Variants in RPE65 observed in about 807,000 individuals in gnomAD.
RPE65 encodes the protein retinoid isomerohydrolase RPE65, also known as retinoid isomerohydrolase.
A neutral mutation model predicts 68.5 loss-of-function variants in RPE65; 58 were observed. The observed-to-expected ratio is 0.85, with a 90% CI of 0.69 to 1.05. RPE65 has a LOEUF of 1.05. Among genes scored for constraint, RPE65 ranks in the 50% least tolerant of loss-of-function variants. RPE65 has a pLI of 0.00. For synonymous variants in RPE65, 220 were observed against 222.2 expected (o/e 0.99, Z 0.09); for missense variants, 643 against 629.9 (o/e 1.02, Z -0.22).
chr1:68,448,105 G>A (rs977650993), intron 2 of RPE65, among the ~76,000 whole-genome samples: 8 of 152,126 alleles, frequency 5.3e-5, no homozygotes, highest in Non-Finnish European at 1.2e-4. Flanking sequence ...TCCTCATGAC[G>A]TAAATTTTGG....
At chr1:68,438,153 G>T in intron 10 of RPE65, 34 bp downstream of exon 10, 1 of 1,612,010 alleles carries the variant, frequency 6.2e-7, no homozygotes, top group Non-Finnish European at 8.5e-7. Flanking sequence ...GAAACATTCT[G>T]GTTAAATCTG....
intron 10 of RPE65, among the ~76,000 whole-genome samples, chr1:68,436,309 T>C (rs17130688): frequency 0.16 from 24,532 of 152,038 alleles, 2,342 homozygotes; most frequent in East Asian, 0.39. Flanking sequence ...CTCTCCATGA[T>C]CTTTCTTTGG....
intron 5 of RPE65, among the ~76,000 whole-genome samples, chr1:68,441,981 G>A (rs1376536470): frequency 6.6e-6 from 1 of 152,144 alleles, no homozygotes; most frequent in Admixed American, 6.5e-5. Context: ...CTTCATTCTA[G>A]ACCCGTGCTG....
chr1:68,444,514 C>T lies in RPE65; in HGVS notation c.495+17G>A, dbSNP rs1384218297. ...CAAATTCTAAATTCCTGAACATCAC[C>T]TAGCACTGTGTCCCACCTGCTTAAT... On this transcript the variant is annotated intron_variant, in intron 5 of 13. Coordinates refer to ENST00000262340, the MANE Select transcript of RPE65 (RefSeq NM_000329.3). 1.2e-6 allele frequency: 2 copies of T among 1,613,870 alleles called. No homozygotes were observed. The highest frequency in any genetic ancestry group is 1.7e-6 in the Non-Finnish European group (2 of 1,179,928).
At chr1:68,432,332 T>C (rs969969368) in intron 10 of RPE65, among the ~76,000 whole-genome samples, 4 of 152,058 alleles carry the variant, frequency 2.6e-5, no homozygotes, top group Admixed American at 6.6e-5. Context: ...TTTTATAATA[T>C]ACCACAAATG....
chr1:68,431,620 G>C lies in RPE65; in HGVS notation c.1129-35C>G, dbSNP rs558440003. The C allele has an allele frequency of 4.5e-6, 7 of 1,564,758 alleles. No homozygotes were observed. The Admixed American group carries it at 5.0e-5, about 11-fold the overall frequency. On this transcript the variant is annotated intron_variant, in intron 10 of 13. Transcript: ENST00000262340. Reference sequence around the variant, plus strand: ...AAGATAACAGAAACCTCAGTGAGCAGGAAAGAATTCAAACAGCCAGAAATG... The same window carrying C: ...AAGATAACAGAAACCTCAGTGAGCACGAAAGAATTCAAACAGCCAGAAATG...
intron 7 of RPE65, 35 bp downstream of exon 7, chr1:68,439,526 T>A: frequency 6.2e-7 from 1 of 1,606,212 alleles, no homozygotes; most frequent in Non-Finnish European, 8.5e-7. Flanking sequence ...TAAACTTGAG[T>A]TTTCCTGAAG....
At chr1:68,449,073 T>G (rs1645963196) in intron 1 of RPE65, among the ~76,000 whole-genome samples, 1 of 152,178 alleles carries the variant, frequency 6.6e-6, no homozygotes, top group Non-Finnish European at 1.5e-5. Context: ...ATCAGTTCAC[T>G]TCCTGAAATT....
At chr1:68,442,939 A>G (rs1645913461) in intron 5 of RPE65, among the ~76,000 whole-genome samples, 1 of 151,808 alleles carries the variant, frequency 6.6e-6, no homozygotes, top group Non-Finnish European at 1.5e-5. Flanking sequence ...TGTTGAGACT[A>G]TTTTTTTTCT....
intron 10 of RPE65, among the ~76,000 whole-genome samples, chr1:68,435,635 C>T (rs1229539224): frequency 1.3e-5 from 2 of 152,232 alleles, no homozygotes; most frequent in African/African-American, 2.4e-5. Flanking sequence ...GTATCTCCCT[C>T]TCCACCTATC....
chr1:68,444,259 T>C (rs1472851069), intron 5 of RPE65, among the ~76,000 whole-genome samples: 1 of 152,210 alleles, frequency 6.6e-6, no homozygotes, highest in Non-Finnish European at 1.5e-5. Context: ...GAAGAAACAA[T>C]GTTTGTCCTA....
Position 68,429,595 on chromosome 1 carries a change from T to A in RPE65, c.*181A>T, listed in dbSNP as rs1645805564. 1.5e-6 allele frequency: 1 copy of A among 656,330 alleles called. No individual in the cohort carries two copies. Among genetic ancestry groups the A allele is most frequent in the Non-Finnish European group, 2.6e-6 (1 of 385,606 alleles). The allele number at this position is 656,330 out of a possible 1,614,324, so 40.7% of individuals were successfully genotyped here. On this transcript the variant is annotated 3_prime_UTR_variant, in exon 14 of 14. Transcript: ENST00000262340. Reference sequence around the variant, plus strand: ...TATGATTATCTAAATACGTACTTTTTTTTTTAAATAAAGGAATTGCTTGCT... The same window carrying A: ...TATGATTATCTAAATACGTACTTTTATTTTTAAATAAAGGAATTGCTTGCT...
At chr1:68,435,637 C>T (rs1387184006) in intron 10 of RPE65, among the ~76,000 whole-genome samples, 1 of 152,202 alleles carries the variant, frequency 6.6e-6, no homozygotes, top group African/African-American at 2.4e-5. Flanking sequence ...ATCTCCCTCT[C>T]CACCTATCTG....
rs1398705256 is a variant in RPE65, at chr1:68,446,855, T to A, written c.100A>T (p.Ile34Phe). 1 of 1,613,272 alleles carries A rather than the reference T, an allele frequency of 6.2e-7. No homozygotes were observed. The highest frequency in any genetic ancestry group is 2.2e-5 in the East Asian group (1 of 44,900). The change falls in exon 3 of 14, where the codon ATC becomes TTC. Residue 34 changes from isoleucine (I) to phenylalanine (F), a missense_variant. By Grantham distance (21) the Ile-to-Phe change is conservative (BLOSUM62 0). Coordinates refer to ENST00000262340, the MANE Select transcript of RPE65 (RefSeq NM_000329.3). ...SPLTAHVTGR[I>F]PLWLTGSLLR... ...AGACTGCCGGTGAGCCAGAGGGGGA[T>A]CCTGCCTGTGATGAAGGGGAGACAG...
At chr1:68,448,497 C>T (rs556279718) in intron 2 of RPE65, 127 bp downstream of exon 2, 1 of 839,898 alleles carries the variant, frequency 1.2e-6, no homozygotes, top group African/African-American at 1.7e-5. Context: ...TATAAAAAGC[C>T]CAAACCACCT....
rs750724065 is a variant in RPE65 at position 68,446,831 on chromosome 1, G to A, written c.124C>T (p.Leu42Phe). 12 of 1,613,742 alleles carry A rather than the reference G, an allele frequency of 7.4e-6. No individual in the cohort carries two copies. The South Asian group carries it at 7.7e-5, about 10-fold the overall frequency. ...AAGAGTCCTGGCCCACATCGAAGGA[G>A]ACTGCCGGTGAGCCAGAGGGGGATC... The part of the protein sequence containing the change: ...GRIPLWLTGS[L>F]LRCGPGLFEV... Residue 42 changes from leucine to phenylalanine, a missense_variant, in exon 3 of 14, where the codon CTC becomes TTC. Leu to Phe is a conservative substitution (Grantham distance 22). Coordinates refer to ENST00000262340, the MANE Select transcript of RPE65 (RefSeq NM_000329.3).
At position 68,429,064 on chromosome 1, in the gene RPE65, A is replaced by G. The variant is rs943782016; in HGVS notation, c.*712T>C. ...CATTTTATGCTGTTTTTTTAAATATAGTCACTACTATATGTACTTGCTTTT... is the reference window on the plus strand; with the variant it reads ...CATTTTATGCTGTTTTTTTAAATATGGTCACTACTATATGTACTTGCTTTT... On this transcript the variant is annotated 3_prime_UTR_variant, in exon 14 of 14. Coordinates refer to ENST00000262340, the MANE Select transcript of RPE65 (RefSeq NM_000329.3). The G allele has an allele frequency of 6.6e-6, 1 of 152,128 alleles. No individual in the cohort carries two copies. The highest frequency in any genetic ancestry group is 1.5e-5 in the Non-Finnish European group (1 of 67,980). The allele number at this position is 152,128 out of a possible 1,614,324, so 9.4% of individuals were successfully genotyped here.
intron 6 of RPE65, among the ~76,000 whole-genome samples, chr1:68,440,268 T>C (rs1322482246): frequency 6.6e-6 from 1 of 152,154 alleles, no homozygotes; most frequent in Non-Finnish European, 1.5e-5. Context: ...TAAATAATAC[T>C]AAACAAAAAT....
Position 68,435,891 on chromosome 1 carries a change from G to A in RPE65, c.1128+2296C>T, listed in dbSNP as rs554717213. ...TAGGTAACGGGCTCCATGAGAACTAGAAGTGTATTTTATGTACCCACTGCA... is the reference window on the plus strand; with the variant it reads ...TAGGTAACGGGCTCCATGAGAACTAAAAGTGTATTTTATGTACCCACTGCA... On this transcript the variant is annotated intron_variant, in intron 10 of 13. Transcript: ENST00000262340. 1.1e-3 allele frequency among the ~76,000 whole-genome samples: 163 copies of A among 152,296 alleles called. 1 individual carries two copies. The highest frequency in any genetic ancestry group is 3.9e-3 in the African/African-American group (162 of 41,556).
Sources: gnomAD v4.1 joint callset for allele counts (sites outside exome capture counted in the v4.1 genomes callset) on GRCh38, gnomAD v4.1.1 for gene constraint, MANE v1.5 for transcripts, NCBI Gene and HGNC (gene_info 2026-07-23, HGNC 2026-07-21) for gene names.